The following TTLL11 variants were observed in gnomAD, a reference collection of about 807,000 sequenced individuals.
The protein encoded by TTLL11 is tubulin polyglutamylase TTLL11.
In TTLL11, 42 loss-of-function variants were observed where a neutral mutation model predicts 51.7. The observed-to-expected ratio is 0.81, with a 90% CI of 0.64 to 1.05. TTLL11 has a LOEUF of 1.05. Among genes scored for constraint, TTLL11 ranks in the 50% least tolerant of loss-of-function variants. The pLI, the probability that TTLL11 is intolerant of heterozygous loss-of-function variation, is 0.00. For synonymous variants in TTLL11, 381 were observed against 383.5 expected (o/e 0.99, Z 0.08); for missense variants, 799 against 940.4 (o/e 0.85, Z 1.97).
intron 6 of TTLL11, among the ~76,000 whole-genome samples, chr9:121,871,990 C>T (rs565010224): frequency 3.3e-5 from 5 of 152,276 alleles, no homozygotes; most frequent in South Asian, 2.1e-4. Flanking sequence ...GACAGAACCT[C>T]GAGCATGTTA....
At chr9:121,823,904 A>T (rs923456635) in intron 8 of TTLL11, among the ~76,000 whole-genome samples, 1 of 152,182 alleles carries the variant, frequency 6.6e-6, no homozygotes. Flanking sequence ...CTGACTCAGT[A>T]AAACCTTCCC....
At chr9:121,876,780 G>A (rs1232198514) in intron 6 of TTLL11, among the ~76,000 whole-genome samples, 5 of 152,206 alleles carry the variant, frequency 3.3e-5, no homozygotes, top group African/African-American at 1.2e-4. Flanking sequence ...CAGCATCAGT[G>A]CCTCCTGATA....
At chr9:122,074,016 T>C (rs1845797992) in intron 1 of TTLL11, among the ~76,000 whole-genome samples, 2 of 152,324 alleles carry the variant, frequency 1.3e-5, no homozygotes, top group South Asian at 4.1e-4. Flanking sequence ...CTTACACCTG[T>C]AATCCCAGCA....
intron 6 of TTLL11, among the ~76,000 whole-genome samples, chr9:121,877,175 T>A (rs1232481824): frequency 6.6e-6 from 1 of 152,218 alleles, no homozygotes; most frequent in Non-Finnish European, 1.5e-5. Context: ...CCTCAGTCAC[T>A]AGCGGATTCC....
intron 4 of TTLL11, among the ~76,000 whole-genome samples, chr9:121,985,513 C>CTTTTTTT (rs71371908): frequency 6.2e-5 from 6 of 97,282 alleles, no homozygotes; most frequent in East Asian, 2.6e-4. Context: ...ATTTTCTTTT[C>CTTTTTTT]TTTTTTTTTT....
At chr9:121,897,665 C>T (rs1290454710) in intron 6 of TTLL11, among the ~76,000 whole-genome samples, 1 of 151,288 alleles carries the variant, frequency 6.6e-6, no homozygotes, top group Non-Finnish European at 1.5e-5. Flanking sequence ...CTCCAACTGC[C>T]CCGGGAGGGT....
intron 6 of TTLL11, among the ~76,000 whole-genome samples, chr9:121,895,171 T>C (rs1839410018): frequency 6.6e-6 from 1 of 152,234 alleles, no homozygotes; most frequent in Non-Finnish European, 1.5e-5. Context: ...TACAGAGTTT[T>C]CAGAATCCTT....
intron 6 of TTLL11, among the ~76,000 whole-genome samples, chr9:121,954,225 G>C (rs1335451758): frequency 6.6e-5 from 10 of 152,224 alleles, no homozygotes; most frequent in Non-Finnish European, 8.8e-5. Context: ...TGTATTCACT[G>C]TTGTGTTATC....
At chr9:121,865,250 A>G (rs1449237893) in intron 7 of TTLL11, among the ~76,000 whole-genome samples, 1 of 152,144 alleles carries the variant, frequency 6.6e-6, no homozygotes, top group East Asian at 1.9e-4. Context: ...TCAGAGAATA[A>G]AGCCCCCCGC....
intron 1 of TTLL11, among the ~76,000 whole-genome samples, chr9:122,089,152 C>T (rs575170726): frequency 6.6e-6 from 1 of 152,256 alleles, no homozygotes; most frequent in South Asian, 2.1e-4. Context: ...ACTATGCACC[C>T]ATAAAAGGAG....
At chr9:122,012,838 A>G (rs1227369548) in intron 3 of TTLL11, among the ~76,000 whole-genome samples, 2 of 152,208 alleles carry the variant, frequency 1.3e-5, no homozygotes, top group Non-Finnish European at 2.9e-5. Flanking sequence ...AAATATATTC[A>G]TTTCCACATT....
At chr9:121,835,953 AG>A (rs1837168495) in intron 8 of TTLL11, among the ~76,000 whole-genome samples, 1 of 152,236 alleles carries the variant, frequency 6.6e-6, no homozygotes, top group South Asian at 2.1e-4. Context: ...TGGCTTAAAA[AG>A]GACTTCAGAG....
At chr9:121,943,437 T>C (rs1335576739) in intron 6 of TTLL11, among the ~76,000 whole-genome samples, 1 of 152,168 alleles carries the variant, frequency 6.6e-6, no homozygotes, top group African/African-American at 2.4e-5. Flanking sequence ...GACTCACCAC[T>C]TCCCCCAAAC....
chr9:121,868,228 G>A (rs556860796), intron 7 of TTLL11, among the ~76,000 whole-genome samples: 113 of 152,206 alleles, frequency 7.4e-4, no homozygotes, highest in African/African-American at 2.6e-3. Flanking sequence ...GGTGCCCTAA[G>A]TGCCCTCATG....
At chr9:121,951,262 A>C (rs952159756) in intron 6 of TTLL11, among the ~76,000 whole-genome samples, 1 of 152,224 alleles carries the variant, frequency 6.6e-6, no homozygotes, top group Non-Finnish European at 1.5e-5. Context: ...CAAGTTTCTC[A>C]TTAATTTAAT....
chr9:121,882,894 G>C (rs1838851570), intron 6 of TTLL11, among the ~76,000 whole-genome samples: 1 of 152,076 alleles, frequency 6.6e-6, no homozygotes, highest in Non-Finnish European at 1.5e-5. Flanking sequence ...TTAAGTTTGT[G>C]GCTTCTTTTT....
chr9:122,046,730 A>T lies in TTLL11; in HGVS notation c.463-7362T>A, dbSNP rs1845014865. Among the ~76,000 whole-genome samples, 3 of 152,168 alleles carry T rather than the reference A, an allele frequency of 2.0e-5. No individual in the cohort carries two copies. The South Asian group carries it at 6.2e-4, about 32-fold the overall frequency. ...GGATCAGCAGACCTGAGAGTCCTAGACTTGTCTCTGGCACTCACTGTGAGA... is the reference window on the plus strand; with the variant it reads ...GGATCAGCAGACCTGAGAGTCCTAGTCTTGTCTCTGGCACTCACTGTGAGA... On this transcript the variant is annotated intron_variant, in intron 1 of 8. Transcript: ENST00000321582.
At chr9:121,969,496 G>A (rs1437963895) in intron 6 of TTLL11, among the ~76,000 whole-genome samples, 3 of 152,096 alleles carry the variant, frequency 2.0e-5, no homozygotes, top group East Asian at 1.9e-4. Flanking sequence ...CTCTGCACCT[G>A]TCCAGGGCAG....
intron 1 of TTLL11, among the ~76,000 whole-genome samples, chr9:122,072,116 A>G (rs971913929): frequency 2.6e-5 from 4 of 152,328 alleles, no homozygotes; most frequent in Non-Finnish European, 4.4e-5. Flanking sequence ...GTATGCACCT[A>G]TAATCCCAGC....
Sources: allele counts gnomAD v4.1 joint callset (sites outside exome capture counted in the v4.1 genomes callset), GRCh38; gene constraint gnomAD v4.1.1; transcripts MANE v1.5; gene names NCBI Gene and HGNC (gene_info 2026-07-23, HGNC 2026-07-21).